The following DENND1B variants were observed in gnomAD, a reference collection of about 807,000 sequenced individuals.
DENND1B encodes DENN domain-containing protein 1B.
Under a neutral mutation model 90.1 loss-of-function variants are expected in DENND1B, and 59 were observed. That is an observed-to-expected ratio of 0.65 (90% CI 0.53 to 0.81). DENND1B has a LOEUF of 0.81. DENND1B is among the 40% of genes least tolerant of loss of function. The pLI, the probability that DENND1B is intolerant of heterozygous loss-of-function variation, is 0.00. For synonymous variants in DENND1B, 337 were observed against 324.6 expected (o/e 1.04, Z -0.41); for missense variants, 862 against 912.6 (o/e 0.94, Z 0.71).
chr1:197,717,584 GA>G (rs940754554), intron 2 of DENND1B, among the ~76,000 whole-genome samples: 7 of 151,682 alleles, frequency 4.6e-5, no homozygotes, highest in South Asian at 4.2e-4. Flanking sequence ...AGCATAGTAA[GA>G]AAAAAATACA....
intron 2 of DENND1B, among the ~76,000 whole-genome samples, chr1:197,731,524 C>A (rs1662140573): frequency 6.6e-6 from 1 of 152,034 alleles, no homozygotes; most frequent in Admixed American, 6.6e-5. Context: ...ATTCTTAAAG[C>A]ATTCACGGCA....
At chr1:197,744,421 C>G (rs1326135182) in intron 2 of DENND1B, among the ~76,000 whole-genome samples, 2 of 152,180 alleles carry the variant, frequency 1.3e-5, no homozygotes, top group East Asian at 3.8e-4. Context: ...AGCATTAAAA[C>G]TTTTGTCTTC....
At chr1:197,630,976 T>C (rs1679273474) in intron 10 of DENND1B, among the ~76,000 whole-genome samples, 1 of 152,166 alleles carries the variant, frequency 6.6e-6, no homozygotes, top group Non-Finnish European at 1.5e-5. Context: ...ACATTATACA[T>C]AAATGCCAAT....
chr1:197,657,100 A>C (rs940526124), intron 6 of DENND1B, among the ~76,000 whole-genome samples: 3 of 152,302 alleles, frequency 2.0e-5, no homozygotes, highest in Admixed American at 6.5e-5. Flanking sequence ...TTTGTGCATC[A>C]AACAATACTA....
At chr1:197,573,481 G>A (rs901175312) in intron 15 of DENND1B, among the ~76,000 whole-genome samples, 2 of 152,116 alleles carry the variant, frequency 1.3e-5, no homozygotes, top group Non-Finnish European at 2.9e-5. Flanking sequence ...ACCAAAAAGA[G>A]TCCAGGACCA....
chr1:197,591,593 T>C (rs1675208638), intron 14 of DENND1B, among the ~76,000 whole-genome samples: 2 of 152,248 alleles, frequency 1.3e-5, no homozygotes, highest in South Asian at 4.1e-4. Context: ...GTTTGAGTAG[T>C]AGTAGTTACT....
In DENND1B at chr1:197,515,111, A is replaced by G. The variant is rs974897124; in HGVS notation, c.1516-2158T>C. On this transcript the variant is annotated intron_variant, in intron 20 of 22. Coordinates refer to ENST00000620048, the MANE Select transcript of DENND1B (RefSeq NM_001195215.2). ...TCTTTTATTGCAGCCACAAAGAGTA[A>G]GCAAATTTATGGAACCTATAGGACT... 3.3e-5 allele frequency among the ~76,000 whole-genome samples: 5 copies of G among 151,662 alleles called. No individual in the cohort carries two copies. In the East Asian group the frequency reaches 7.8e-4, roughly 24 times the overall value.
intron 10 of DENND1B, among the ~76,000 whole-genome samples, chr1:197,624,340 ATGGTGCTGGAAGAAG>A (rs1451296874): frequency 2.0e-5 from 3 of 151,734 alleles, no homozygotes; most frequent in Non-Finnish European, 4.4e-5. Context: ...TTATCAATAA[ATGGTGCTGGAAGAAG>A]TGGACATCCA....
chr1:197,513,402 G>A (rs888125001), intron 20 of DENND1B, among the ~76,000 whole-genome samples: 4 of 151,576 alleles, frequency 2.6e-5, no homozygotes, highest in Admixed American at 1.3e-4. Context: ...CTTAATGTGC[G>A]TATAAATCGC....
intron 15 of DENND1B, among the ~76,000 whole-genome samples, chr1:197,555,997 T>C (rs539987586): frequency 6.6e-6 from 1 of 152,234 alleles, no homozygotes; most frequent in Non-Finnish European, 1.5e-5. Flanking sequence ...ATGTGGTACA[T>C]ATACACCATG....
At chr1:197,525,466 AT>A (rs1294307848) in intron 20 of DENND1B, among the ~76,000 whole-genome samples, 2 of 152,118 alleles carry the variant, frequency 1.3e-5, no homozygotes, top group East Asian at 1.9e-4. Flanking sequence ...ATATTTCAAC[AT>A]TTAAAAAGGT....
chr1:197,676,698 AT>A (rs1656114167), intron 3 of DENND1B, among the ~76,000 whole-genome samples: 1 of 152,198 alleles, frequency 6.6e-6, no homozygotes, highest in African/African-American at 2.4e-5. Context: ...AGAATACAAA[AT>A]TATGAACAGC....
intron 16 of DENND1B, among the ~76,000 whole-genome samples, chr1:197,550,225 A>AT (rs1473109222): frequency 6.6e-6 from 1 of 152,140 alleles, no homozygotes; most frequent in Admixed American, 6.6e-5. Context: ...TTTTGCTTTG[A>AT]TTCAATCAGA....
chr1:197,704,899 A>G (rs1035236637), intron 3 of DENND1B, among the ~76,000 whole-genome samples: 2 of 152,174 alleles, frequency 1.3e-5, no homozygotes, highest in Admixed American at 6.5e-5. Context: ...TCAGACAAAC[A>G]TGTCTTCAAA....
intron 20 of DENND1B, among the ~76,000 whole-genome samples, chr1:197,528,815 C>A (rs979405018): frequency 6.6e-6 from 1 of 150,874 alleles, no homozygotes; most frequent in Non-Finnish European, 1.5e-5. Context: ...AGCCGAGATC[C>A]CGCCACTGCA....
At chr1:197,621,509 T>C (rs1273854526) in intron 10 of DENND1B, among the ~76,000 whole-genome samples, 1 of 151,402 alleles carries the variant, frequency 6.6e-6, no homozygotes, top group Non-Finnish European at 1.5e-5. Context: ...ATGAGAACAA[T>C]TTAATAAGCC....
intron 2 of DENND1B, among the ~76,000 whole-genome samples, chr1:197,757,966 A>G (rs1412141234): frequency 6.6e-6 from 1 of 152,220 alleles, no homozygotes; most frequent in Non-Finnish European, 1.5e-5. Context: ...TTTCTATTCT[A>G]ACAACTTTCT....
rs565525722 is a variant in DENND1B, at chr1:197,703,078, C to G, written c.126+11953G>C. ...TCTCAGCTCACTGCAACCTCCGCCT[C>G]CCTGGTTCAAGTAATTCTCCTGCCT... On this transcript the variant is annotated intron_variant, in intron 3 of 22. Transcript: ENST00000620048. Among the ~76,000 whole-genome samples the G allele has an allele frequency of 2.2e-4, 33 of 152,152 alleles. 1 individual carries two copies. The South Asian group carries it at 6.9e-3, about 32-fold the overall frequency.
At position 197,510,722 on chromosome 1, in the gene DENND1B, G is replaced by A. The variant is rs766085438; in HGVS notation, c.2066C>T (p.Thr689Ile). The stretch of plus-strand genomic sequence containing the variant: ...ATCAGTCTGGGAAACTTCAGGGGAA[G>A]TGAGTTGGAAATCCAGTCCTGAAGT... ...DPTSGLDFQL[T>I]SPEVSQTDKG... The change falls in exon 23 of 23, where the codon ACT becomes ATT. Residue 689 changes from threonine (T) to isoleucine (I), a missense_variant. Physicochemically the swap from Thr to Ile is moderately conservative, Grantham distance 89. Coordinates refer to ENST00000620048, the MANE Select transcript of DENND1B (RefSeq NM_001195215.2). 6.2e-7 allele frequency: 1 copy of A among 1,612,728 alleles called. No homozygotes were observed.
Sources: gnomAD v4.1 joint callset for allele counts (sites outside exome capture counted in the v4.1 genomes callset) on GRCh38, gnomAD v4.1.1 for gene constraint, MANE v1.5 for transcripts, NCBI Gene and HGNC (gene_info 2026-07-23, HGNC 2026-07-21) for gene names.